Variants in MYO18B observed in about 807,000 individuals in gnomAD.
MYO18B encodes the protein unconventional myosin-XVIIIb.
Under a neutral mutation model 273.0 loss-of-function variants are expected in MYO18B, and 204 were observed. The ratio of observed to expected loss-of-function variants is 0.75; its 90% CI spans 0.67 to 0.84. The LOEUF (loss-of-function observed/expected upper bound fraction) is 0.84. MYO18B is among the 40% of genes least tolerant of loss of function. MYO18B has a pLI of 0.00. For missense variants in MYO18B, 3,212 were observed against 3,287.6 expected, an observed-to-expected ratio of 0.98 and a Z score of 0.56; for synonymous variants, 1,330 against 1,305.7, an observed-to-expected ratio of 1.02 and a Z score of -0.40.
chr22:26,008,878 CCT>C (rs1273277081), intron 42 of MYO18B, among the ~76,000 whole-genome samples: 1 of 152,158 alleles, frequency 6.6e-6, no homozygotes, highest in Non-Finnish European at 1.5e-5. Context: ...TTCTTCTTAC[CCT>C]GACAACACAT....
intron 39 of MYO18B, among the ~76,000 whole-genome samples, chr22:25,989,468 T>G (rs973114521): frequency 6.6e-6 from 1 of 151,942 alleles, no homozygotes; most frequent in East Asian, 1.9e-4. Flanking sequence ...CCAGTGACAC[T>G]GTTGTCCTGG....
intron 42 of MYO18B, among the ~76,000 whole-genome samples, chr22:26,015,983 C>T (rs565148288): frequency 5.6e-4 from 85 of 152,244 alleles, no homozygotes; most frequent in African/African-American, 1.6e-3. Flanking sequence ...TCAGGATGGA[C>T]GCAAGGAAAT....
intron 32 of MYO18B, among the ~76,000 whole-genome samples, chr22:25,908,830 G>A (rs548990642): frequency 1.3e-5 from 2 of 152,286 alleles, no homozygotes; most frequent in East Asian, 3.9e-4. Context: ...GTGTAAGAAA[G>A]CAATAACCCC....
At chr22:25,788,746 G>A (rs1348155305) in intron 11 of MYO18B, among the ~76,000 whole-genome samples, 4 of 151,964 alleles carry the variant, frequency 2.6e-5, no homozygotes, top group Admixed American at 6.6e-5. Flanking sequence ...GCCAGCCCCC[G>A]TACTATGATT....
At chr22:25,748,430 A>G (rs1160528662) in intron 1 of MYO18B, among the ~76,000 whole-genome samples, 1 of 152,160 alleles carries the variant, frequency 6.6e-6, no homozygotes, top group East Asian at 1.9e-4. Flanking sequence ...TCTGGTTCCA[A>G]GGAAGAAACA....
intron 16 of MYO18B, among the ~76,000 whole-genome samples, chr22:25,834,561 G>A (rs528356625): frequency 1.3e-5 from 2 of 152,250 alleles, no homozygotes; most frequent in Non-Finnish European, 2.9e-5. Flanking sequence ...TTCATGTCCC[G>A]GGCAAAGTAG....
chr22:25,810,241 G>A (rs1172864250), intron 12 of MYO18B, among the ~76,000 whole-genome samples: 1 of 151,320 alleles, frequency 6.6e-6, no homozygotes, highest in African/African-American at 2.4e-5. Context: ...GGGACTACAG[G>A]CGCCCACCAC....
chr22:25,837,508 C>T (rs1217843190), intron 17 of MYO18B, among the ~76,000 whole-genome samples: 2 of 152,214 alleles, frequency 1.3e-5, no homozygotes, highest in Non-Finnish European at 2.9e-5. Context: ...ACAGATGCAT[C>T]TTGATGGAAT....
chr22:25,890,621 T>C, intron 25 of MYO18B, 135 bp from the exon 26 acceptor site: 1 of 1,296,182 alleles, frequency 7.7e-7, no homozygotes, highest in Non-Finnish European at 1.0e-6. Flanking sequence ...GTCCATCCTC[T>C]TAACGAGTTG....
intron 29 of MYO18B, 73 bp downstream of exon 29, chr22:25,898,534 C>G (rs960488146): frequency 1.3e-6 from 2 of 1,531,922 alleles, no homozygotes; most frequent in African/African-American, 2.8e-5. Context: ...TCTGGGGTAT[C>G]CAGGTTCTCC....
chr22:25,781,977 T>C (rs1685860439), intron 10 of MYO18B, 143 bp downstream of exon 10: 8 of 562,326 alleles, frequency 1.4e-5, no homozygotes, highest in Non-Finnish European at 2.0e-5. Flanking sequence ...ATTCCAGCTG[T>C]CTGGGTACAC....
chr22:25,947,195 C>T (rs1004744566), intron 35 of MYO18B, among the ~76,000 whole-genome samples: 1 of 151,804 alleles, frequency 6.6e-6, no homozygotes. Context: ...TCACCAGGCA[C>T]ACATACAAAA....
chr22:26,016,095 C>T (rs1424173914), intron 42 of MYO18B, among the ~76,000 whole-genome samples: 2 of 152,240 alleles, frequency 1.3e-5, no homozygotes, highest in African/African-American at 4.8e-5. Flanking sequence ...ATTGCCATTT[C>T]ACCATACTCT....
chr22:25,992,989 A>G (rs565561928), intron 40 of MYO18B, among the ~76,000 whole-genome samples: 2 of 152,194 alleles, frequency 1.3e-5, no homozygotes, highest in South Asian at 2.1e-4. Context: ...AGTGGAAGCT[A>G]TGTTTGTACA....
Position 25,950,350 on chromosome 22 carries a change from T to C in MYO18B, c.5749-17T>C, listed in dbSNP as rs1569227529. ...ACTCAGGGTGATATATATACATTTT[T>C]TTTTTTGTCTCACCAGTCTGCTGCT... On this transcript the variant is annotated splice_polypyrimidine_tract_variant and intron_variant, in intron 36 of 43. Coordinates refer to ENST00000335473, the MANE Select transcript of MYO18B (RefSeq NM_032608.7). 6.4e-7 allele frequency: 1 copy of C among 1,571,658 alleles called. No individual in the cohort carries two copies. Among genetic ancestry groups the C allele is most frequent in the Non-Finnish European group, 8.6e-7 (1 of 1,158,998 alleles).
chr22:25,927,019 A>C (rs1052214885), intron 34 of MYO18B, among the ~76,000 whole-genome samples: 3 of 152,292 alleles, frequency 2.0e-5, no homozygotes, highest in African/African-American at 7.2e-5. Flanking sequence ...GTGATTTCCT[A>C]TGCCTGTCTT....
intron 7 of MYO18B, among the ~76,000 whole-genome samples, chr22:25,775,978 C>T (rs2086899031): frequency 6.6e-6 from 1 of 152,060 alleles, no homozygotes; most frequent in Non-Finnish European, 1.5e-5. Flanking sequence ...AGTTGTATAA[C>T]TGCTTTGACA....
Position 26,026,758 on chromosome 22 carries a change from G to T in MYO18B, c.6784G>T (p.Ala2262Ser). Residue 2262 changes from alanine (A) to serine (S), a missense_variant, in exon 43 of 44, where the codon GCC (alanine) becomes TCC (serine). Physicochemically the swap from Ala to Ser is moderately conservative, Grantham distance 99. Coordinates refer to ENST00000335473, the MANE Select transcript of MYO18B (RefSeq NM_032608.7). ...EFVEGLRRKR[A>S]QRGQGSTLGL... ...CGTGGAAGGGCTCCGGAGGAAGAGA[G>T]CCCAGAGAGGCCAGGGGTCCACGCT... The T allele has an allele frequency of 6.2e-7, 1 of 1,611,508 alleles. No homozygotes were observed. Among genetic ancestry groups the T allele is most frequent in the Non-Finnish European group, 8.5e-7 (1 of 1,178,860 alleles).
At chr22:26,061,292 T>C in the MYO18B span, among the ~76,000 whole-genome samples, 28 of 152,316 alleles carry the variant, frequency 1.8e-4, no homozygotes, top group African/African-American at 4.3e-4. Flanking sequence ...TTTAAATCCA[T>C]AGATTTGTTT....
Sources: allele counts gnomAD v4.1 joint callset (sites outside exome capture counted in the v4.1 genomes callset), GRCh38; gene constraint gnomAD v4.1.1; transcripts MANE v1.5; gene names NCBI Gene and HGNC (gene_info 2026-07-23, HGNC 2026-07-21).